Variants in EYS observed in about 807,000 individuals in gnomAD.
EYS encodes EGF-like photoreceptor maintenance factor.
A neutral mutation model predicts 282.1 loss-of-function variants in EYS; 250 were observed. That is an observed-to-expected ratio of 0.89 (90% CI 0.80 to 0.98). EYS has a LOEUF of 0.98. Ranked by LOEUF, EYS falls within the 50% of genes least tolerant of loss-of-function variation. The pLI is 0.00. For synonymous variants in EYS, 1,355 were observed against 1,282.9 expected (o/e 1.06, Z -1.20); for missense variants, 4,016 against 3,709.0 (o/e 1.08, Z -2.15).
At chr6:65,477,956 A>G (rs1180531307) in intron 5 of EYS, among the ~76,000 whole-genome samples, 1 of 152,178 alleles carries the variant, frequency 6.6e-6, no homozygotes, top group African/African-American at 2.4e-5. Context: ...CTGTCAGAAG[A>G]GAATGATAAT....
At chr6:64,799,561 T>C (rs1034241403) in intron 22 of EYS, among the ~76,000 whole-genome samples, 1 of 151,510 alleles carries the variant, frequency 6.6e-6, no homozygotes, top group African/African-American at 2.4e-5. Flanking sequence ...ATTCATTAAG[T>C]AAATAGTTAA....
At chr6:64,452,762 G>A (rs912642554) in intron 26 of EYS, among the ~76,000 whole-genome samples, 6 of 152,240 alleles carry the variant, frequency 3.9e-5, no homozygotes, top group South Asian at 4.1e-4. Flanking sequence ...ATGGGGAAAC[G>A]ATCCCCTATT....
intron 12 of EYS, among the ~76,000 whole-genome samples, chr6:65,271,786 G>A (rs118097197): frequency 2.5e-4 from 38 of 151,990 alleles, no homozygotes; most frequent in African/African-American, 8.9e-4. Flanking sequence ...ATTTCACCAC[G>A]TTGGCCAGGC....
At chr6:64,877,242 G>A (rs1766776979) in intron 19 of EYS, among the ~76,000 whole-genome samples, 1 of 152,104 alleles carries the variant, frequency 6.6e-6, no homozygotes, top group African/African-American at 2.4e-5. Context: ...ATCCACTGAG[G>A]TGGACAACAC....
chr6:64,950,107 G>A (rs1160630904), intron 14 of EYS, among the ~76,000 whole-genome samples: 1 of 151,926 alleles, frequency 6.6e-6, no homozygotes, highest in Admixed American at 6.6e-5. Context: ...GAAGGAGGAA[G>A]AGCAAGAGAA....
At chr6:64,147,567 A>T (rs1774562398) in intron 31 of EYS, among the ~76,000 whole-genome samples, 1 of 152,172 alleles carries the variant, frequency 6.6e-6, no homozygotes, top group Admixed American at 6.6e-5. Context: ...TTGCCTAATG[A>T]CCTGCCAGGA....
chr6:63,745,676 A>C (rs1272499551), intron 41 of EYS, among the ~76,000 whole-genome samples: 3 of 152,224 alleles, frequency 2.0e-5, no homozygotes, highest in African/African-American at 7.2e-5. Flanking sequence ...ATTTAGATGG[A>C]TGTTGGATGG....
chr6:65,625,481 T>C (rs1448796679), intron 2 of EYS, among the ~76,000 whole-genome samples: 1 of 152,206 alleles, frequency 6.6e-6, no homozygotes, highest in East Asian at 1.9e-4. Context: ...TTTAAATCTT[T>C]CCAATATGAA....
At chr6:65,491,693 G>A in intron 4 of EYS, 1 of 316,214 alleles carries the variant, frequency 3.2e-6, no homozygotes, top group East Asian at 8.0e-5. Flanking sequence ...AATGCCAATA[G>A]GCCACACCCT....
At chr6:64,429,968 G>A (rs1774526218) in intron 28 of EYS, among the ~76,000 whole-genome samples, 1 of 152,130 alleles carries the variant, frequency 6.6e-6, no homozygotes, top group South Asian at 2.1e-4. Context: ...ATGGGATAAT[G>A]TACACATTTC....
At chr6:64,117,236 A>C (rs1180814051) in intron 31 of EYS, among the ~76,000 whole-genome samples, 1 of 151,992 alleles carries the variant, frequency 6.6e-6, no homozygotes, top group African/African-American at 2.4e-5. Flanking sequence ...ACTGGAAATC[A>C]ATTACAGAGG....
intron 28 of EYS, among the ~76,000 whole-genome samples, chr6:64,434,258 CTAAATTGCAATTGTGAGAT>C (rs1774666433): frequency 6.6e-6 from 1 of 151,962 alleles, no homozygotes; most frequent in Admixed American, 6.6e-5. Context: ...AATTGTGAGA[CTAAATTGCAATTGTGAGAT>C]TAAATTGCCT....
rs543474101 is a variant in EYS, at chr6:64,546,550, C to A, written c.5644+43673G>T. Among the ~76,000 whole-genome samples the A allele has an allele frequency of 2.6e-3, 402 of 152,016 alleles. 1 individual carries two copies. Among genetic ancestry groups the A allele is most frequent in the Middle Eastern group, 0.01 (3 of 292 alleles). On this transcript the variant is annotated intron_variant, in intron 26 of 42. Transcript: ENST00000503581. ...TCTAATTAAACTAAAGAGCTTCTGC[C>A]CAGCAAAAGAAACCACCATCAGAAT...
intron 31 of EYS, among the ~76,000 whole-genome samples, chr6:64,160,883 C>T (rs910589782): frequency 4.6e-5 from 7 of 152,190 alleles, no homozygotes; most frequent in African/African-American, 1.7e-4. Flanking sequence ...ACTACATAAA[C>T]ATACTTGTGT....
chr6:64,911,583 C>T (rs530714431), intron 16 of EYS, among the ~76,000 whole-genome samples: 1 of 152,220 alleles, frequency 6.6e-6, no homozygotes, highest in Admixed American at 6.5e-5. Context: ...TATTAAGAGA[C>T]TCCCTTAAGG....
chr6:63,727,544 T>A (rs1248149727), intron 41 of EYS, among the ~76,000 whole-genome samples: 1 of 149,422 alleles, frequency 6.7e-6, no homozygotes, highest in Non-Finnish European at 1.5e-5. Flanking sequence ...TGCAAAGCGC[T>A]ATACCTCATT....
intron 31 of EYS, among the ~76,000 whole-genome samples, chr6:64,095,883 T>C (rs532364271): frequency 6.6e-6 from 1 of 152,362 alleles, no homozygotes; most frequent in Non-Finnish European, 1.5e-5. Context: ...GTTTTTGCAG[T>C]GGCTGGTACC....
intron 12 of EYS, among the ~76,000 whole-genome samples, chr6:65,210,440 G>A (rs973322793): frequency 3.3e-5 from 5 of 151,930 alleles, no homozygotes; most frequent in Non-Finnish European, 5.9e-5. Flanking sequence ...ATAATATCTG[G>A]TAAAATTGAT....
chr6:64,271,285 G>GT lies in EYS; in HGVS notation c.6191+35684dup, dbSNP rs750543078. On this transcript the variant is annotated intron_variant, in intron 30 of 42. Transcript: ENST00000503581. ...AGGCTTTATTGTGGCTTCAGTTTGT[G>GT]TTTTTCATACACAGCCAATTTTTCT... Among the ~76,000 whole-genome samples the GT allele has an allele frequency of 4.6e-5, 7 of 151,786 alleles. No individual in the cohort carries two copies. The South Asian group carries it at 8.3e-4, about 18-fold the overall frequency.
Sources: allele counts gnomAD v4.1 joint callset (sites outside exome capture counted in the v4.1 genomes callset), GRCh38; gene constraint gnomAD v4.1.1; transcripts MANE v1.5; gene names NCBI Gene and HGNC (gene_info 2026-07-23, HGNC 2026-07-21).